ASIC2: variants seen among roughly 807,000 people sequenced by gnomAD.
ASIC2 encodes acid-sensing ion channel 2.
A neutral mutation model predicts 57.3 loss-of-function variants in ASIC2; 25 were observed. The observed-to-expected ratio is 0.44, with a 90% CI of 0.32 to 0.61. ASIC2 has a LOEUF of 0.61. Among genes scored for constraint, ASIC2 ranks in the 20% least tolerant of loss-of-function variants. ASIC2 has a pLI of 0.06. For synonymous variants in ASIC2, 319 were observed against 307.5 expected (o/e 1.04, Z -0.39); for missense variants, 641 against 738.1 (o/e 0.87, Z 1.52).
At chr17:33,373,476 T>G (rs937585466) in intron 1 of ASIC2, among the ~76,000 whole-genome samples, 5 of 152,222 alleles carry the variant, frequency 3.3e-5, no homozygotes, top group Non-Finnish European at 7.3e-5. Context: ...CCCTCCCTGT[T>G]TGAGGGCTGT....
chr17:33,156,147 T>C (rs1468237350), intron 1 of ASIC2, among the ~76,000 whole-genome samples: 170 of 146,732 alleles, frequency 1.2e-3, no homozygotes, highest in Non-Finnish European at 2.6e-4. Context: ...TTTTTTTTTT[T>C]AACCGAGTCT....
At chr17:33,905,694 T>A (rs2141956067) in intron 1 of ASIC2, among the ~76,000 whole-genome samples, 1 of 152,350 alleles carries the variant, frequency 6.6e-6, no homozygotes, top group South Asian at 2.1e-4. Flanking sequence ...CACTGGTATG[T>A]CCTGAAGCCG....
chr17:33,699,446 G>T (rs1908629684), intron 1 of ASIC2, among the ~76,000 whole-genome samples: 1 of 152,218 alleles, frequency 6.6e-6, no homozygotes, highest in African/African-American at 2.4e-5. Context: ...ACGACTTTGG[G>T]AATCCATTAG....
intron 1 of ASIC2, among the ~76,000 whole-genome samples, chr17:33,353,646 T>C (rs371204074): frequency 2.0e-5 from 3 of 152,290 alleles, no homozygotes; most frequent in African/African-American, 7.2e-5. Flanking sequence ...CCTTACCTTA[T>C]TTATTCTTTA....
intron 1 of ASIC2, among the ~76,000 whole-genome samples, chr17:33,211,076 T>G (rs1259379191): frequency 3.3e-5 from 5 of 151,638 alleles, no homozygotes; most frequent in Non-Finnish European, 2.9e-5. Context: ...GTGGTGGACT[T>G]AATGAGTCCA....
intron 1 of ASIC2, among the ~76,000 whole-genome samples, chr17:34,031,410 A>G (rs957895361): frequency 5.3e-5 from 8 of 152,134 alleles, no homozygotes; most frequent in African/African-American, 9.7e-5. Flanking sequence ...CAAAGATGGG[A>G]AAAAAACGGA....
chr17:33,501,465 C>T (rs189299333), intron 1 of ASIC2, among the ~76,000 whole-genome samples: 1 of 152,310 alleles, frequency 6.6e-6, no homozygotes, highest in Admixed American at 6.5e-5. Flanking sequence ...TAAACACTGG[C>T]ACAGAAAGGT....
intron 1 of ASIC2, among the ~76,000 whole-genome samples, chr17:33,829,648 C>A (rs34279149): frequency 0.81 from 122,553 of 151,004 alleles, 50,085 homozygotes; most frequent in African/African-American, 0.85. Context: ...GCGATCTCAG[C>A]TCACTGCAAA....
intron 1 of ASIC2, among the ~76,000 whole-genome samples, chr17:33,813,447 T>C (rs1332676947): frequency 3.3e-5 from 5 of 151,910 alleles, no homozygotes; most frequent in African/African-American, 1.2e-4. Flanking sequence ...TTGATTTTTG[T>C]TTTTTTTGTG....
At chr17:33,262,710 T>C (rs1909329709) in intron 1 of ASIC2, among the ~76,000 whole-genome samples, 1 of 152,214 alleles carries the variant, frequency 6.6e-6, no homozygotes, top group Admixed American at 6.5e-5. Context: ...GTTCTTATCC[T>C]CTTAGGGCTG....
intron 1 of ASIC2, chr17:34,039,089 G>T: frequency 2.5e-6 from 4 of 1,613,990 alleles, no homozygotes; most frequent in Non-Finnish European, 2.5e-6. Flanking sequence ...CTATTTAATC[G>T]TTCCTTGTAT....
chr17:33,332,190 G>T, intron 1 of ASIC2, among the ~76,000 whole-genome samples: 1 of 152,164 alleles, frequency 6.6e-6, no homozygotes, highest in East Asian at 1.9e-4. Flanking sequence ...CTCCCTTCTT[G>T]GTGCCAGGGA....
intron 2 of ASIC2, among the ~76,000 whole-genome samples, chr17:33,097,244 C>T (rs1276039920): frequency 6.6e-6 from 1 of 152,178 alleles, no homozygotes; most frequent in Non-Finnish European, 1.5e-5. Flanking sequence ...TGGGTCATGG[C>T]GAAAGACAAT....
chr17:33,093,756 A>G (rs149871880), intron 2 of ASIC2, among the ~76,000 whole-genome samples: 2 of 152,228 alleles, frequency 1.3e-5, no homozygotes. Context: ...GGCAGAATGC[A>G]TAACGGGGCA....
chr17:33,103,786 T>C (rs113356681), intron 2 of ASIC2, among the ~76,000 whole-genome samples: 1,805 of 152,244 alleles, frequency 0.012, 29 homozygotes, highest in African/African-American at 0.041. Context: ...CACCTCCCTG[T>C]TTTTCTGCAT....
At chr17:33,333,197 A>G (rs1453885234) in intron 1 of ASIC2, among the ~76,000 whole-genome samples, 2 of 152,206 alleles carry the variant, frequency 1.3e-5, no homozygotes, top group Non-Finnish European at 2.9e-5. Context: ...TTGAAGAAGC[A>G]ATTTGGTGAT....
chr17:33,269,671 C>CTTCCTTCCTTCTTTCCTTTTTCTAG (rs1567805227), intron 1 of ASIC2, among the ~76,000 whole-genome samples: 1 of 72,856 alleles, frequency 1.4e-5, no homozygotes, highest in Non-Finnish European at 3.0e-5. Context: ...TCCTTCCTTC[C>CTTCCTTCCTTCTTTCCTTTTTCTAG]TTCCCTCCCT....
chr17:33,910,522 G>A (rs553331500), intron 1 of ASIC2, among the ~76,000 whole-genome samples: 6 of 152,202 alleles, frequency 3.9e-5, no homozygotes, highest in African/African-American at 1.4e-4. Context: ...CCCCAGGTTG[G>A]CTCTTCTTCC....
intron 1 of ASIC2, among the ~76,000 whole-genome samples, chr17:33,309,911 T>C (rs10432047): frequency 6.9e-6 from 1 of 143,906 alleles, no homozygotes; most frequent in African/African-American, 2.6e-5. Context: ...TATCTGGAGG[T>C]TATTTTGTAT....
Sources: allele counts gnomAD v4.1 joint callset (sites outside exome capture counted in the v4.1 genomes callset), GRCh38; gene constraint gnomAD v4.1.1; transcripts MANE v1.5; gene names NCBI Gene and HGNC (gene_info 2026-07-23, HGNC 2026-07-21).